Variants in LYPD3 observed in about 807,000 individuals in gnomAD.
LYPD3 encodes the protein ly6/PLAUR domain-containing protein 3.
Under a neutral mutation model 21.7 loss-of-function variants are expected in LYPD3, and 22 were observed. That is an observed-to-expected ratio of 1.01 (90% confidence interval 0.72 to 1.45). The LOEUF is 1.45. LYPD3 is among the 40% of genes most tolerant of loss of function. The probability of loss-of-function intolerance (pLI) is 0.00; values close to 1 mark genes in which losing one functional copy is unlikely to be tolerated. For missense variants in LYPD3, 471 were observed against 466.9 expected (o/e 1.01, Z -0.08); for synonymous variants, 179 against 203.0 (o/e 0.88, Z 1.00).
chr19:43,464,308 C>T lies in LYPD3; in HGVS notation c.211+17G>A, dbSNP rs1568467975. 4.2e-5 allele frequency: 67 copies of T among 1,590,806 alleles called. No homozygotes were observed. Among genetic ancestry groups the T allele is most frequent in the Non-Finnish European group, 5.7e-5 (67 of 1,169,766 alleles). ...GGAGCCTGCAGTGGTGTGCGTGGCC[C>T]GGGGGTCCCCACTCACTGGTCTCCA... On this transcript the variant is annotated intron_variant, in intron 2 of 4. Coordinates refer to ENST00000244333, the MANE Select transcript of LYPD3 (RefSeq NM_014400.3).
At chr19:43,462,977 G>T in intron 4 of LYPD3, 149 bp downstream of exon 4, 1 of 747,140 alleles carries the variant, frequency 1.3e-6, no homozygotes, top group Non-Finnish European at 2.2e-6. Context: ...TTTCCATGAT[G>T]CCCTACGATA....
intron 3 of LYPD3, 74 bp from the exon 4 acceptor site, chr19:43,463,361 C>T: frequency 6.5e-7 from 1 of 1,534,210 alleles, no homozygotes; most frequent in Non-Finnish European, 8.8e-7. Flanking sequence ...TAGCCCCGCC[C>T]CTAAGGCCTG....
intron 2 of LYPD3, 42 bp downstream of exon 2, chr19:43,464,283 G>A (rs1200745526): frequency 6.4e-7 from 1 of 1,563,144 alleles, no homozygotes; most frequent in Admixed American, 1.9e-5. Context: ...CTGGGCCGGA[G>A]GAGCCTGCAG....
At chr19:43,463,459 CT>C (rs1317389907) in intron 3 of LYPD3, 139 bp downstream of exon 3, 16 of 1,378,692 alleles carry the variant, frequency 1.2e-5, no homozygotes, top group Non-Finnish European at 1.6e-5. Context: ...GTCCCTCCTG[CT>C]GCCTCTTGGC....
At chr19:43,462,823 G>C (rs552712928) in intron 4 of LYPD3, among the ~76,000 whole-genome samples, 1 of 152,198 alleles carries the variant, frequency 6.6e-6, no homozygotes, top group African/African-American at 2.4e-5. Context: ...GAGATTCCCC[G>C]CAGTGCCTGG....
rs143537924 is a variant in LYPD3, at chr19:43,461,715, C to T, written c.677G>A (p.Arg226His). The T allele has an allele frequency of 1.1e-4, 185 of 1,614,080 alleles. 3 individuals carry two copies. The South Asian group carries it at 1.3e-3, about 12-fold the overall frequency. The stretch of plus-strand genomic sequence containing the variant: ...TCGAGGGGAGAAGTAGGTCTTGTTG[C>T]GGAGGTCAGAGTTACAGCGGGACCC... ...CQGSRCNSDL[R>H]NKTYFSPRIP... The change falls in exon 5 of 5, where the codon CGC becomes CAC. Residue 226 changes from arginine (R) to histidine (H), a missense_variant. Physicochemically the swap from Arg to His is conservative, Grantham distance 29. Coordinates refer to ENST00000244333, the MANE Select transcript of LYPD3 (RefSeq NM_014400.3).
intron 2 of LYPD3, chr19:43,464,043 T>C (rs1224814331): frequency 1.6e-6 from 1 of 612,374 alleles, no homozygotes; most frequent in East Asian, 2.8e-5. Flanking sequence ...TGGGGAGGTC[T>C]CATTGGTGGA....
intron 1 of LYPD3, 119 bp downstream of exon 1, chr19:43,465,374 A>G: frequency 8.5e-7 from 1 of 1,171,196 alleles, no homozygotes; most frequent in Non-Finnish European, 1.2e-6. Context: ...AACTTTGCCC[A>G]CAGTGCCCTC....
At position 43,464,311 on chromosome 19, in the gene LYPD3, G is replaced by C; in HGVS notation, c.211+14C>G. 6.3e-7 allele frequency: 1 copy of C among 1,594,536 alleles called. No homozygotes were observed. Among genetic ancestry groups the C allele is most frequent in the East Asian group, 2.3e-5 (1 of 43,860 alleles). Reference sequence around the variant, plus strand: ...GCCTGCAGTGGTGTGCGTGGCCCGGGGGTCCCCACTCACTGGTCTCCACCG... The same window carrying C: ...GCCTGCAGTGGTGTGCGTGGCCCGGCGGTCCCCACTCACTGGTCTCCACCG... On this transcript the variant is annotated intron_variant, in intron 2 of 4. Transcript: ENST00000244333.
intron 2 of LYPD3, 176 bp downstream of exon 2, chr19:43,464,149 T>G: frequency 2.3e-5 from 20 of 864,458 alleles, no homozygotes; most frequent in Non-Finnish European, 3.5e-5. Flanking sequence ...GCGCTTGTAA[T>G]TGTTAATAGA....
rs141878534 is a variant in LYPD3, at chr19:43,463,411, G to T, written c.383-124C>A. 2,621 of 1,372,914 alleles carry T rather than the reference G, an allele frequency of 1.9e-3. 6 individuals carry two copies. The highest frequency in any genetic ancestry group is 2.4e-3 in the Admixed American group (123 of 51,046). 85.0% of individuals were successfully genotyped at this position (1,372,914 alleles called of 1,614,324 possible). A position where few individuals can be genotyped will look rare whatever the true frequency, so the allele number is the denominator to read the frequency against. On this transcript the variant is annotated intron_variant, in intron 3 of 4. Coordinates refer to ENST00000244333, the MANE Select transcript of LYPD3 (RefSeq NM_014400.3). ...GATGACCCCGCCTACTAGTAGCCCC[G>T]CCCCAGCGCGCAACCTCGCGGCGCC...
intron 3 of LYPD3, 78 bp downstream of exon 3, chr19:43,463,521 T>C: frequency 7.1e-7 from 1 of 1,415,322 alleles, no homozygotes; most frequent in Non-Finnish European, 9.6e-7. Context: ...TACTCCCGCC[T>C]CTGCCACGGC....
At chr19:43,464,138 C>G (rs1316797431) in intron 2 of LYPD3, 187 bp downstream of exon 2, 4 of 834,050 alleles carry the variant, frequency 4.8e-6, no homozygotes, top group African/African-American at 1.7e-5. Context: ...CTCTGCTCCT[C>G]GCGCTTGTAA....
intron 2 of LYPD3, 27 bp from the exon 3 acceptor site, chr19:43,463,796 A>G: frequency 1.2e-6 from 2 of 1,609,016 alleles, no homozygotes; most frequent in Non-Finnish European, 1.7e-6. Context: ...GGGCGGGATT[A>G]GCTGTGGGCG....
chr19:43,463,835 T>G, intron 2 of LYPD3, 66 bp from the exon 3 acceptor site: 1 of 1,508,866 alleles, frequency 6.6e-7, no homozygotes, highest in Non-Finnish European at 9.1e-7. Flanking sequence ...GGCCCAGAGT[T>G]GGGTAGGGTC....
In LYPD3 at chr19:43,463,738, A is replaced by T; in HGVS notation, c.243T>A (p.Gly81=). ...IHGQFSLAVR[G]CGSGLPGKND... is the part of the protein sequence containing the mutation. The stretch of plus-strand genomic sequence containing the variant: ...TCTTGCCGGGGAGTCCCGAACCGCA[A>T]CCCCGCACTGCCAGCGAGAATTGTC... The change falls in exon 3 of 5, where the codon GGT becomes GGA. Residue 81 remains glycine (G), a synonymous_variant. Coordinates refer to ENST00000244333, the MANE Select transcript of LYPD3 (RefSeq NM_014400.3). 6.2e-7 allele frequency: 1 copy of T among 1,613,244 alleles called. No homozygotes were observed. Among genetic ancestry groups the T allele is most frequent in the African/African-American group, 1.3e-5 (1 of 75,004 alleles).
Position 43,465,480 on chromosome 19 carries a change from G to A in LYPD3, c.79+13C>T, listed in dbSNP as rs892315829. On this transcript the variant is annotated intron_variant, in intron 1 of 4. Coordinates refer to ENST00000244333, the MANE Select transcript of LYPD3 (RefSeq NM_014400.3). ...CACTCTACCCCCTCCACCTCTCCGG[G>A]CAGCAGACCCACCTCCGCGAAGCAG... The A allele has an allele frequency of 6.2e-7, 1 of 1,607,632 alleles. No individual in the cohort carries two copies. Among genetic ancestry groups the A allele is most frequent in the Non-Finnish European group, 8.5e-7 (1 of 1,179,782 alleles).
chr19:43,461,170 T>C lies in LYPD3; in HGVS notation c.*181A>G. The C allele has an allele frequency of 1.4e-6, 1 of 699,486 alleles. No individual in the cohort carries two copies. Among genetic ancestry groups the C allele is most frequent in the Non-Finnish European group, 2.3e-6 (1 of 426,770 alleles). The allele number at this position is 699,486 out of a possible 1,614,324, so 43.3% of individuals were successfully genotyped here. A position where few individuals can be genotyped will look rare whatever the true frequency, so the allele number is the denominator to read the frequency against. ...GCTAGAACACCCCTGGCAGAATATATACAACGGTATTTTATTTCCCAAAGC... is the reference window on the plus strand; with the variant it reads ...GCTAGAACACCCCTGGCAGAATATACACAACGGTATTTTATTTCCCAAAGC... On this transcript the variant is annotated 3_prime_UTR_variant, in exon 5 of 5. Coordinates refer to ENST00000244333, the MANE Select transcript of LYPD3 (RefSeq NM_014400.3).
In LYPD3 at chr19:43,461,809, G is replaced by A. The variant is rs1465921117; in HGVS notation, c.583C>T (p.Gln195Ter). The A allele has an allele frequency of 6.2e-7, 1 of 1,613,768 alleles. No homozygotes were observed. The highest frequency in any genetic ancestry group is 8.5e-7 in the Non-Finnish European group (1 of 1,179,742). The change falls in exon 5 of 5, where the codon CAG (glutamine) becomes TAG (stop). Residue 195 changes from glutamine (Q) to a stop codon, truncating the protein, a stop_gained. Transcript: ENST00000244333. LOFTEE classifies it low-confidence loss of function (END_TRUNC). ...TVSLPVRGCV[Q>*]DEFCTRDGVT... ...CCATCCCGAGTGCAGAATTCATCCT[G>A]GACACAGCCCCGGACAGGCAAGGAC...
Sources: gnomAD v4.1 joint callset for allele counts (sites outside exome capture counted in the v4.1 genomes callset) on GRCh38, gnomAD v4.1.1 for gene constraint, MANE v1.5 for transcripts, NCBI Gene and HGNC (gene_info 2026-07-23, HGNC 2026-07-21) for gene names.